ST3GAL6: variants seen among roughly 807,000 people sequenced by gnomAD.
The protein encoded by ST3GAL6 is ST3 beta-galactoside alpha-2,3-sialyltransferase 6.
ST3GAL6 carries 31 observed loss-of-function variants against 40.5 expected under a neutral mutation model. That is an observed-to-expected ratio of 0.77 (90% CI 0.58 to 1.03). ST3GAL6 has a LOEUF of 1.03. Among genes scored for constraint, ST3GAL6 ranks in the 50% least tolerant of loss-of-function variants. The pLI is 0.00. For synonymous variants in ST3GAL6, 129 were observed against 136.9 expected, an observed-to-expected ratio of 0.94 and a Z score of 0.40; for missense variants, 357 against 393.2, an observed-to-expected ratio of 0.91 and a Z score of 0.78.
upstream of ST3GAL6, chr3:98,762,674 A>G: frequency 1.8e-6 from 1 of 564,180 alleles, no homozygotes; most frequent in Non-Finnish European, 2.2e-6. Flanking sequence ...CCCTTGTTTT[A>G]TTTTTAAAAG....
At chr3:98,756,516 A>G (rs1464712461) in intron 1 of ST3GAL6, 3 of 1,274,644 alleles carry the variant, frequency 2.4e-6, no homozygotes, top group Non-Finnish European at 3.1e-6. Context: ...GAGGGTCTTT[A>G]GGACACAGAT....
intron 1 of ST3GAL6, chr3:98,732,703 A>T (rs1935128370): frequency 2.9e-6 from 2 of 688,872 alleles, no homozygotes; most frequent in Non-Finnish European, 2.2e-6. Flanking sequence ...CGCTCGGCGC[A>T]GTCGCCCGGG....
At chr3:98,762,708 A>T, upstream of ST3GAL6, 1 of 730,430 alleles carries the variant, frequency 1.4e-6, no homozygotes, top group Non-Finnish European at 1.7e-6. Flanking sequence ...ATTATTTAAC[A>T]GTTCATACTC....
chr3:98,793,281 T>G (rs1036977263), intron 9 of ST3GAL6, among the ~76,000 whole-genome samples: 1 of 152,250 alleles, frequency 6.6e-6, no homozygotes, highest in African/African-American at 2.4e-5. Context: ...TAACACATCT[T>G]AAACTGAACC....
chr3:98,751,441 C>CT (rs1937004376), intron 1 of ST3GAL6, among the ~76,000 whole-genome samples: 1 of 152,120 alleles, frequency 6.6e-6, no homozygotes, highest in Non-Finnish European at 1.5e-5. Context: ...CACTCCTTTG[C>CT]TTTTCTCTTG....
intron 1 of ST3GAL6, among the ~76,000 whole-genome samples, chr3:98,763,895 G>T (rs1199150233): frequency 6.6e-6 from 1 of 152,130 alleles, no homozygotes. Context: ...TGGATCCACA[G>T]GAACCTGACC....
At chr3:98,763,942 CTCTT>C (rs1300072375) in intron 1 of ST3GAL6, among the ~76,000 whole-genome samples, 3 of 152,024 alleles carry the variant, frequency 2.0e-5, no homozygotes, top group Admixed American at 6.6e-5. Flanking sequence ...TCCTCAGACT[CTCTT>C]TCTGTGGGTC....
chr3:98,752,264 A>G (rs1172401841), intron 1 of ST3GAL6, among the ~76,000 whole-genome samples: 1 of 152,080 alleles, frequency 6.6e-6, no homozygotes, highest in African/African-American at 2.4e-5. Context: ...TGTGCTTTTT[A>G]CACATTGAAG....
At chr3:98,769,262 A>G (rs547742092) in intron 2 of ST3GAL6, among the ~76,000 whole-genome samples, 9 of 152,322 alleles carry the variant, frequency 5.9e-5, no homozygotes, top group African/African-American at 2.2e-4. Context: ...TCTGCATTTG[A>G]TTTCATTACT....
chr3:98,769,605 T>G (rs1203650071), intron 2 of ST3GAL6, among the ~76,000 whole-genome samples: 1 of 152,180 alleles, frequency 6.6e-6, no homozygotes, highest in Non-Finnish European at 1.5e-5. Context: ...ATGAAAAGGA[T>G]CTAAATCAGC....
chr3:98,767,368 C>T (rs72932678), intron 1 of ST3GAL6, among the ~76,000 whole-genome samples: 14,427 of 152,130 alleles, frequency 0.095, 740 homozygotes, highest in Middle Eastern at 0.17. Context: ...TTTAAGATTT[C>T]CATTTGAACA....
chr3:98,768,321 T>C, intron 1 of ST3GAL6, 109 bp from the exon 2 acceptor site: 1 of 799,528 alleles, frequency 1.3e-6, no homozygotes, highest in Non-Finnish European at 2.1e-6. Flanking sequence ...TTTTTTTCTA[T>C]AGTTCCTTTT....
intron 1 of ST3GAL6, among the ~76,000 whole-genome samples, chr3:98,753,799 T>C (rs555549067): frequency 3.9e-5 from 6 of 152,308 alleles, no homozygotes; most frequent in African/African-American, 1.4e-4. Context: ...ACCCATCTAT[T>C]AAAAAATAAT....
intron 9 of ST3GAL6, 50 bp downstream of exon 9, chr3:98,792,043 G>A (rs765859671): frequency 6.9e-7 from 1 of 1,453,270 alleles, no homozygotes; most frequent in Non-Finnish European, 9.1e-7. Flanking sequence ...ACTAATCTTT[G>A]AGGGATGGAA....
At chr3:98,758,763 A>C (rs1937558434), upstream of ST3GAL6, among the ~76,000 whole-genome samples, 2 of 152,190 alleles carry the variant, frequency 1.3e-5, no homozygotes, top group Admixed American at 1.3e-4. Context: ...GTTTTTAGGG[A>C]GGGCTTGGTG....
At chr3:98,776,531 G>C (rs1291560148) in intron 5 of ST3GAL6, among the ~76,000 whole-genome samples, 1 of 152,168 alleles carries the variant, frequency 6.6e-6, no homozygotes, top group Non-Finnish European at 1.5e-5. Context: ...ATTTAGGCTG[G>C]CTTGTCCTTC....
At chr3:98,738,257 C>T (rs1935738718) in intron 1 of ST3GAL6, among the ~76,000 whole-genome samples, 1 of 151,934 alleles carries the variant, frequency 6.6e-6, no homozygotes, top group Admixed American at 6.6e-5. Context: ...TTTTATATTA[C>T]CTAGTCTCAG....
chr3:98,755,079 G>A (rs1294777834), intron 1 of ST3GAL6, among the ~76,000 whole-genome samples: 6 of 152,026 alleles, frequency 3.9e-5, no homozygotes, highest in Non-Finnish European at 5.9e-5. Context: ...ACGGAGTCTC[G>A]CTCTGTCGCC....
rs765510693 is a variant in ST3GAL6 at position 98,768,431 on chromosome 3, T to C, written c.-10T>C. The C allele has an allele frequency of 6.2e-7, 1 of 1,613,206 alleles. No individual in the cohort carries two copies. On this transcript the variant is annotated splice_region_variant and 5_prime_UTR_variant, in exon 2 of 10. Transcript: ENST00000483910. Reference sequence around the variant, plus strand: ...TGGACTTCATTCCTTGTGTTTCAGGTGAGCCAGCCATGAGAGGGTATCTTG... The same window carrying C: ...TGGACTTCATTCCTTGTGTTTCAGGCGAGCCAGCCATGAGAGGGTATCTTG...
Sources: gnomAD v4.1 joint callset for allele counts (sites outside exome capture counted in the v4.1 genomes callset) on GRCh38, gnomAD v4.1.1 for gene constraint, MANE v1.5 for transcripts, NCBI Gene and HGNC (gene_info 2026-07-23, HGNC 2026-07-21) for gene names.